Variants in GORAB observed in about 807,000 individuals in gnomAD.
GORAB encodes golgin, RAB6 interacting.
GORAB carries 17 observed loss-of-function variants against 29.9 expected under a neutral mutation model. The observed-to-expected ratio is 0.57, with a 90% CI of 0.39 to 0.85. GORAB has a LOEUF of 0.85. Among genes scored for constraint, GORAB ranks in the 40% least tolerant of loss-of-function variants. The pLI, the probability that GORAB is intolerant of heterozygous loss-of-function variation, is 0.00. For missense variants in GORAB, 442 were observed against 437.8 expected (o/e 1.01, Z -0.09); for synonymous variants, 183 against 157.2 (o/e 1.16, Z -1.23).
chr1:170,551,822 A>G (rs1262216440), intron 4 of GORAB, among the ~76,000 whole-genome samples, 193 bp from the exon 5 acceptor site: 2 of 152,246 alleles, frequency 1.3e-5, no homozygotes, highest in Non-Finnish European at 2.9e-5. Flanking sequence ...TCAAGTAAGG[A>G]TACTGTGAAA....
intron 1 of GORAB, chr1:170,536,429 T>G (rs940472264): frequency 6.6e-6 from 1 of 152,146 alleles, no homozygotes; most frequent in African/African-American, 2.4e-5. Context: ...GAGGTACTAT[T>G]TTACACCCAT....
intron 2 of GORAB, among the ~76,000 whole-genome samples, chr1:170,540,169 T>C (rs1649325704): frequency 6.6e-6 from 1 of 152,052 alleles, no homozygotes; most frequent in African/African-American, 2.4e-5. Context: ...GGAGAGAGTG[T>C]AGGAAATTTA....
chr1:170,543,557 A>G (rs1434697327), intron 3 of GORAB, among the ~76,000 whole-genome samples: 2 of 151,962 alleles, frequency 1.3e-5, no homozygotes, highest in Non-Finnish European at 2.9e-5. Context: ...TTCTTGAAGC[A>G]TAGGAAATAA....
Position 170,552,812 on chromosome 1 carries a change from T to G in GORAB, c.*350T>G, listed in dbSNP as rs1204912697. 7 of 456,538 alleles carry G rather than the reference T, an allele frequency of 1.5e-5. No individual in the cohort carries two copies. In the East Asian group the frequency reaches 4.1e-4, roughly 27 times the overall value. The allele number at this position is 456,538 out of a possible 1,614,324, so 28.3% of individuals were successfully genotyped here. On this transcript the variant is annotated 3_prime_UTR_variant, in exon 5 of 5. Transcript: ENST00000367763. The stretch of plus-strand genomic sequence containing the variant: ...ATGGAAAATGATACTCAATACCTAG[T>G]TAAACTCATTTCACTTCTCCTGGGA...
rs762822921 is a variant in GORAB, at chr1:170,539,499, T to A, written c.351T>A (p.Asp117Glu). The A allele has an allele frequency of 6.2e-7, 1 of 1,614,026 alleles. No homozygotes were observed. The highest frequency in any genetic ancestry group is 1.1e-5 in the South Asian group (1 of 91,070). Residue 117 changes from aspartate (D) to glutamate (E), a missense_variant, in exon 2 of 5, where the codon GAT becomes GAA. By Grantham distance (45) the Asp-to-Glu change is conservative. Transcript: ENST00000367763. ...AACTGGGACTTGAGAATTCCCATGA[T>A]GGTCACAACAATGTTGAGATTCTAC... ...PKELGLENSHDGHNNVEILPP... is the reference protein window; with the variant it reads ...PKELGLENSHEGHNNVEILPP...
chr1:170,532,354 C>T (rs1648736713), intron 1 of GORAB, 70 bp downstream of exon 1: 6 of 1,528,952 alleles, frequency 3.9e-6, no homozygotes, highest in African/African-American at 1.4e-5. Context: ...GCAGCTTTGG[C>T]GGGGAAAGGG....
At position 170,552,178 on chromosome 1, in the gene GORAB, G is replaced by A; in HGVS notation, c.826G>A (p.Val276Ile). The change falls in exon 5 of 5, where the codon GTA (valine) becomes ATA (isoleucine). Residue 276 changes from valine (V) to isoleucine (I), a missense_variant. Physicochemically the swap from Val to Ile is conservative, Grantham distance 29. Transcript: ENST00000367763. ...KLEELMQQLD[V>I]EADEETLELE... is the part of the protein sequence containing the mutation. ...GGAGGAGTTGATGCAACAACTAGAT[G>A]TAGAAGCCGATGAAGAGACTTTGGA... 6.2e-7 allele frequency: 1 copy of A among 1,614,140 alleles called. No homozygotes were observed. Among genetic ancestry groups the A allele is most frequent in the South Asian group, 1.1e-5 (1 of 91,086 alleles).
rs146131654 is a variant in GORAB at position 170,539,239 on chromosome 1, G to A, written c.91G>A (p.Ala31Thr). 228 of 1,614,018 alleles carry A rather than the reference G, an allele frequency of 1.4e-4. No homozygotes were observed. Among genetic ancestry groups the A allele is most frequent in the Non-Finnish European group, 1.8e-4 (214 of 1,179,982 alleles). ...DPFEPQRRLP[A>T]KKSRQQLQRE... ...ATTTGAACCACAGCGACGTCTCCCC[G>A]CGAAGAAAAGTCGACAACAACTTCA... The change falls in exon 2 of 5, where the codon GCG (alanine) becomes ACG (threonine). Residue 31 changes from alanine to threonine, a missense_variant. Physicochemically the swap from Ala to Thr is moderately conservative, Grantham distance 58 (BLOSUM62 0). Coordinates refer to ENST00000367763, the MANE Select transcript of GORAB (RefSeq NM_152281.3).
intron 4 of GORAB, among the ~76,000 whole-genome samples, chr1:170,551,267 CT>C (rs1257893164): frequency 6.6e-6 from 1 of 152,148 alleles, no homozygotes; most frequent in East Asian, 1.9e-4. Flanking sequence ...TGCAGGACAG[CT>C]TCTCACAACA....
In GORAB at chr1:170,553,634, G is replaced by A. The variant is rs751419356; in HGVS notation, c.*1172G>A. ...TGTTTTTAAATGGGTTTGTTTGAGG[G>A]TATTATCTTCTGGTAATATAGATGA... On this transcript the variant is annotated 3_prime_UTR_variant, in exon 5 of 5. Coordinates refer to ENST00000367763, the MANE Select transcript of GORAB (RefSeq NM_152281.3). The A allele has an allele frequency of 2.7e-5, 12 of 452,166 alleles. No individual in the cohort carries two copies. The highest frequency in any genetic ancestry group is 7.9e-5 in the South Asian group (5 of 63,644). 28.0% of individuals were successfully genotyped at this position (452,166 alleles called of 1,614,324 possible). A position where few individuals can be genotyped will look rare whatever the true frequency, so the allele number is the denominator to read the frequency against.
At chr1:170,542,323 T>G (rs1482043920) in intron 2 of GORAB, among the ~76,000 whole-genome samples, 168 bp from the exon 3 acceptor site, 1 of 152,202 alleles carries the variant, frequency 6.6e-6, no homozygotes, top group Non-Finnish European at 1.5e-5. Context: ...TAGAGCAAAA[T>G]AATGAACTGC....
At chr1:170,545,664 C>CATTTCTA in intron 4 of GORAB, 1 of 983,656 alleles carries the variant, frequency 1.0e-6, no homozygotes, top group South Asian at 4.7e-5. Context: ...CTCTGTTACA[C>CATTTCTA]TAGAAATGAA....
chr1:170,552,473 T>C lies in GORAB; in HGVS notation c.*11T>C. On this transcript the variant is annotated 3_prime_UTR_variant, in exon 5 of 5. Transcript: ENST00000367763. ...GCTTTGGCCACATGAAGTTCTGGTA[T>C]TCTTTTGAGCTAATATGGTATTGAG... 1 of 1,609,898 alleles carries C rather than the reference T, an allele frequency of 6.2e-7. No homozygotes were observed. Among genetic ancestry groups the C allele is most frequent in the East Asian group, 2.2e-5 (1 of 44,854 alleles).
intron 2 of GORAB, among the ~76,000 whole-genome samples, chr1:170,542,002 A>G (rs1405367589): frequency 6.6e-6 from 1 of 152,204 alleles, no homozygotes; most frequent in Non-Finnish European, 1.5e-5. Flanking sequence ...GGAAAAAGTG[A>G]GCAAATTGAA....
chr1:170,546,686 T>G (rs1242370180), intron 4 of GORAB, among the ~76,000 whole-genome samples: 6 of 152,142 alleles, frequency 3.9e-5, no homozygotes, highest in Non-Finnish European at 8.8e-5. Flanking sequence ...ATTTTTGTTT[T>G]TATTTTTAGG....
At chr1:170,532,486 A>T (rs1378358530) in intron 1 of GORAB, 1 of 589,754 alleles carries the variant, frequency 1.7e-6, no homozygotes, top group East Asian at 3.0e-5. Context: ...GAGGACTGGG[A>T]TCTTCTTTTA....
chr1:170,545,028 T>C, intron 4 of GORAB, 183 bp downstream of exon 4: 1 of 1,330,240 alleles, frequency 7.5e-7, no homozygotes, highest in Non-Finnish European at 9.6e-7. Context: ...TCCTTAACTC[T>C]GCCCTACTAG....
At chr1:170,534,530 G>A (rs774081289) in intron 1 of GORAB, among the ~76,000 whole-genome samples, 1 of 152,004 alleles carries the variant, frequency 6.6e-6, no homozygotes, top group African/African-American at 2.4e-5. Context: ...ATACAGTCAC[G>A]CACTCAATAA....
At chr1:170,541,361 C>T (rs920606815) in intron 2 of GORAB, among the ~76,000 whole-genome samples, 2 of 152,070 alleles carry the variant, frequency 1.3e-5, no homozygotes, top group Admixed American at 6.6e-5. Flanking sequence ...CCATGAAGCT[C>T]TCTGAGGGCT....
Sources: allele counts gnomAD v4.1 joint callset (sites outside exome capture counted in the v4.1 genomes callset), GRCh38; gene constraint gnomAD v4.1.1; transcripts MANE v1.5; gene names NCBI Gene and HGNC (gene_info 2026-07-23, HGNC 2026-07-21).